The following RHBDF2 variants were observed in gnomAD, a reference collection of about 807,000 sequenced individuals.
The protein encoded by RHBDF2 is inactive rhomboid protein 2.
RHBDF2 carries 38 observed loss-of-function variants against 95.2 expected under a neutral mutation model. The observed-to-expected ratio is 0.40, with a 90% CI of 0.31 to 0.52. The LOEUF is 0.52. Ranked by LOEUF, RHBDF2 falls within the 20% of genes least tolerant of loss-of-function variation. The pLI is 0.56. For synonymous variants in RHBDF2, 442 were observed against 462.0 expected (o/e 0.96, Z 0.55); for missense variants, 863 against 1,137.7 (o/e 0.76, Z 3.47).
intron 8 of RHBDF2, 30 bp downstream of exon 8, chr17:76,477,150 C>A (rs1480201636): frequency 6.2e-7 from 1 of 1,610,984 alleles, no homozygotes; most frequent in Non-Finnish European, 8.5e-7. Context: ...GGTGGCTGGC[C>A]TGGAGGAGGG....
chr17:76,474,318 G>C, intron 12 of RHBDF2, 55 bp downstream of exon 12: 1 of 1,583,050 alleles, frequency 6.3e-7, no homozygotes, highest in Non-Finnish European at 8.6e-7. Context: ...CAGGGCAAGT[G>C]GAGCTAGTCC....
intron 3 of RHBDF2, among the ~76,000 whole-genome samples, chr17:76,480,977 G>A (rs2073946187): frequency 6.6e-6 from 1 of 152,204 alleles, no homozygotes; most frequent in Non-Finnish European, 1.5e-5. Context: ...AAAGGAAGCG[G>A]ACACTGCCTA....
intron 6 of RHBDF2, 97 bp downstream of exon 6, chr17:76,478,709 G>T: frequency 9.5e-7 from 1 of 1,057,832 alleles, no homozygotes; most frequent in East Asian, 2.6e-5. Flanking sequence ...CAGATGCCCA[G>T]GTGAGCTTTA....
At chr17:76,482,681 G>A (rs1363101267) in intron 2 of RHBDF2, among the ~76,000 whole-genome samples, 3 of 152,036 alleles carry the variant, frequency 2.0e-5, no homozygotes, top group African/African-American at 7.2e-5. Context: ...GCTGAGGCAC[G>A]AGAATTGCTT....
At chr17:76,475,373 C>A (rs965786110) in intron 9 of RHBDF2, among the ~76,000 whole-genome samples, 1 of 152,238 alleles carries the variant, frequency 6.6e-6, no homozygotes. Context: ...GAATCACCCC[C>A]TCTTGCTGGC....
chr17:76,474,278 G>C, intron 12 of RHBDF2, 95 bp downstream of exon 12: 1 of 1,437,574 alleles, frequency 7.0e-7, no homozygotes, highest in Non-Finnish European at 9.6e-7. Flanking sequence ...GGGGCGGGGA[G>C]GAGGGAACGT....
chr17:76,472,875 C>A (rs1288271890), intron 17 of RHBDF2, 36 bp from the exon 18 acceptor site: 5 of 1,575,192 alleles, frequency 3.2e-6, no homozygotes, highest in Non-Finnish European at 2.6e-6. Context: ...GGCCTTCAGC[C>A]AGGCACTTCA....
Position 76,474,077 on chromosome 17 carries a change from C to G in RHBDF2, c.1530G>C (p.Leu510=). ...CAGCCCCCGAAGTCCGCTTCTGGCCCAGATCAGACTTGTCCATGGGGGGCC... is the reference window on the plus strand; with the variant it reads ...CAGCCCCCGAAGTCCGCTTCTGGCCGAGATCAGACTTGTCCATGGGGGGCC... ...DTGPPMDKSD[L]GQKRTSGAVC... Residue 510 remains leucine, a synonymous_variant, in exon 13 of 19, where the codon CTG becomes CTC. Transcript: ENST00000675367. 6.2e-7 allele frequency: 1 copy of G among 1,612,384 alleles called. No individual in the cohort carries two copies. Among genetic ancestry groups the G allele is most frequent in the Non-Finnish European group, 8.5e-7 (1 of 1,179,654 alleles).
intron 1 of RHBDF2, among the ~76,000 whole-genome samples, chr17:76,494,331 G>A (rs2074383186): frequency 2.0e-5 from 3 of 152,214 alleles, no homozygotes. Context: ...CCAATGTGCA[G>A]CAGCTGCTGG....
At chr17:76,488,996 T>A (rs2074224055) in intron 1 of RHBDF2, among the ~76,000 whole-genome samples, 1 of 144,564 alleles carries the variant, frequency 6.9e-6, no homozygotes, top group Non-Finnish European at 1.5e-5. Context: ...CTGGGTGTGG[T>A]GGGCCTGTAA....
At position 76,481,386 on chromosome 17, in the gene RHBDF2, T is replaced by A. The variant is rs367865441; in HGVS notation, c.139A>T (p.Met47Leu). Reference sequence around the variant, plus strand: ...GCCAGCCCCCTTACCTCAGGCAGCATGCTGTCCTGCTCGCCAGGGGCCTGG... The same window carrying A: ...GCCAGCCCCCTTACCTCAGGCAGCAAGCTGTCCTGCTCGCCAGGGGCCTGG... ...ETQAPGEQDS[M>L]LPERKNPAYL... The change falls in exon 3 of 19, where the codon ATG becomes TTG. Residue 47 changes from methionine to leucine, a missense_variant. Met to Leu is a conservative substitution (Grantham distance 15, BLOSUM62 2). Transcript: ENST00000675367. The A allele has an allele frequency of 2.5e-6, 4 of 1,612,032 alleles. No individual in the cohort carries two copies. The highest frequency in any genetic ancestry group is 3.4e-6 in the Non-Finnish European group (4 of 1,179,892).
chr17:76,498,208 G>A (rs1004985564), intron 1 of RHBDF2, among the ~76,000 whole-genome samples: 2 of 152,054 alleles, frequency 1.3e-5, no homozygotes, highest in Non-Finnish European at 2.9e-5. Context: ...CACCACCGCC[G>A]AGGTCAGCCT....
At chr17:76,482,990 T>C (rs2074017241) in intron 2 of RHBDF2, among the ~76,000 whole-genome samples, 1 of 152,046 alleles carries the variant, frequency 6.6e-6, no homozygotes, top group African/African-American at 2.4e-5. Context: ...GCCAACACAG[T>C]GAAACACCAT....
At chr17:76,483,266 AC>A (rs2074024083) in intron 2 of RHBDF2, among the ~76,000 whole-genome samples, 1 of 152,082 alleles carries the variant, frequency 6.6e-6, no homozygotes, top group South Asian at 2.1e-4. Flanking sequence ...GTCAACACAT[AC>A]GGACAGACCT....
Position 76,484,578 on chromosome 17 carries a change from G to A in RHBDF2, c.-21-3033C>T, listed in dbSNP as rs868748449. On this transcript the variant is annotated intron_variant, in intron 2 of 18. Coordinates refer to ENST00000675367, the MANE Select transcript of RHBDF2 (RefSeq NM_001005498.4). ...TCAATTCCTCTACCTGCTGCCTCAAGCCCCCTGAGACTGATCATTCTCCGC... is the reference window on the plus strand; with the variant it reads ...TCAATTCCTCTACCTGCTGCCTCAAACCCCCTGAGACTGATCATTCTCCGC... Among the ~76,000 whole-genome samples the A allele has an allele frequency of 5.2e-5, 6 of 114,788 alleles. No individual in the cohort carries two copies. The East Asian group carries it at 1.6e-3, about 30-fold the overall frequency. The allele number at this position is 114,788 out of a possible 152,430, so 75.3% of individuals were successfully genotyped here.
At chr17:76,493,889 C>T (rs192746967) in intron 1 of RHBDF2, among the ~76,000 whole-genome samples, 6 of 152,384 alleles carry the variant, frequency 3.9e-5, no homozygotes, top group Non-Finnish European at 8.8e-5. Flanking sequence ...CCCTCCAGGG[C>T]TTGCCTCGAA....
intron 9 of RHBDF2, chr17:76,475,980 AC>A (rs1426958437): frequency 1.3e-5 from 2 of 149,652 alleles, no homozygotes; most frequent in Non-Finnish European, 3.0e-5. Flanking sequence ...ATCCTGGCTC[AC>A]TGCAACCTCT....
intron 2 of RHBDF2, among the ~76,000 whole-genome samples, chr17:76,483,062 G>A (rs572566270): frequency 1.2e-3 from 178 of 152,214 alleles, no homozygotes; most frequent in Middle Eastern, 0.01. Flanking sequence ...CCAGCTACTC[G>A]GGAGGCTGAG....
At position 76,471,554 on chromosome 17, in the gene RHBDF2, G is replaced by C. The variant is rs1567869575; in HGVS notation, c.*79C>G. ...TGGGTCTCTGGCTCTCTGGCACACA[G>C]AGAGCGCTCTGCAGAGGGCAGCCCT... On this transcript the variant is annotated 3_prime_UTR_variant, in exon 19 of 19. Transcript: ENST00000675367. 7.0e-7 allele frequency: 1 copy of C among 1,422,312 alleles called. No homozygotes were observed. Among genetic ancestry groups the C allele is most frequent in the Non-Finnish European group, 9.4e-7 (1 of 1,068,918 alleles). 88.1% of individuals were successfully genotyped at this position (1,422,312 alleles called of 1,614,324 possible).
Sources: allele counts gnomAD v4.1 joint callset (sites outside exome capture counted in the v4.1 genomes callset), GRCh38; gene constraint gnomAD v4.1.1; transcripts MANE v1.5; gene names NCBI Gene and HGNC (gene_info 2026-07-23, HGNC 2026-07-21).